EPHA6: variants seen among roughly 807,000 people sequenced by gnomAD.
The protein encoded by EPHA6 is ephrin type-A receptor 6.
EPHA6 carries 50 observed loss-of-function variants against 112.0 expected under a neutral mutation model. The observed-to-expected ratio is 0.45, with a 90% CI of 0.36 to 0.56. The LOEUF (loss-of-function observed/expected upper bound fraction) is 0.56, where lower values mean the gene tolerates loss of function less well. Among genes scored for constraint, EPHA6 ranks in the 20% least tolerant of loss-of-function variants. EPHA6 has a pLI of 0.00. For missense variants in EPHA6, 1,280 were observed against 1,417.4 expected (o/e 0.90, Z 1.56); for synonymous variants, 529 against 490.7 (o/e 1.08, Z -1.03).
intron 3 of EPHA6, among the ~76,000 whole-genome samples, chr3:97,040,742 G>T (rs1387587511): frequency 6.6e-6 from 1 of 152,042 alleles, no homozygotes; most frequent in Admixed American, 6.6e-5. Context: ...TTCATAATCT[G>T]CAACAGCAAA....
intron 11 of EPHA6, among the ~76,000 whole-genome samples, chr3:97,568,637 C>A (rs1342181237): frequency 2.6e-5 from 4 of 152,180 alleles, no homozygotes; most frequent in Non-Finnish European, 5.9e-5. Flanking sequence ...TAGGTTTAAT[C>A]AAGACTTTTC....
intron 1 of EPHA6, among the ~76,000 whole-genome samples, chr3:96,823,493 A>G (rs571282500): frequency 2.0e-5 from 3 of 150,140 alleles, no homozygotes; most frequent in African/African-American, 4.9e-5. Context: ...AACTTTTTTT[A>G]ATATTAAAAA....
intron 4 of EPHA6, among the ~76,000 whole-genome samples, chr3:97,243,039 G>A (rs1275570022): frequency 6.6e-6 from 1 of 151,766 alleles, no homozygotes; most frequent in African/African-American, 2.4e-5. Flanking sequence ...ACTCAGATAA[G>A]TATATAGGAT....
At chr3:96,832,979 A>C (rs1297210517) in intron 1 of EPHA6, among the ~76,000 whole-genome samples, 2 of 151,720 alleles carry the variant, frequency 1.3e-5, no homozygotes, top group African/African-American at 4.8e-5. Flanking sequence ...TTCATTTTAG[A>C]GGTGTGAAAA....
At chr3:97,304,623 T>C (rs774843246) in intron 5 of EPHA6, among the ~76,000 whole-genome samples, 5 of 151,958 alleles carry the variant, frequency 3.3e-5, no homozygotes, top group Non-Finnish European at 5.9e-5. Flanking sequence ...TTGATAAACC[T>C]GACAAAAACA....
At chr3:97,042,419 C>A (rs757226076) in intron 3 of EPHA6, among the ~76,000 whole-genome samples, 1 of 152,000 alleles carries the variant, frequency 6.6e-6, no homozygotes, top group Non-Finnish European at 1.5e-5. Context: ...GAACTGTTAG[C>A]CAATTAAATT....
intron 3 of EPHA6, among the ~76,000 whole-genome samples, chr3:96,988,384 G>A (rs866299344): frequency 6.6e-6 from 1 of 151,968 alleles, no homozygotes; most frequent in African/African-American, 2.4e-5. Flanking sequence ...TGCTGTATCC[G>A]CCTAATTTTT....
chr3:97,636,769 T>G (rs1178821276), intron 13 of EPHA6, among the ~76,000 whole-genome samples: 3 of 152,156 alleles, frequency 2.0e-5, no homozygotes. Flanking sequence ...ACTTTTAAAA[T>G]TTATAAGTTT....
At chr3:97,107,919 A>G (rs1455185190) in intron 3 of EPHA6, among the ~76,000 whole-genome samples, 1 of 152,152 alleles carries the variant, frequency 6.6e-6, no homozygotes, top group Non-Finnish European at 1.5e-5. Context: ...ATTATGTGTT[A>G]TATAGCTTAG....
chr3:97,363,145 C>A (rs2084467898), intron 5 of EPHA6, among the ~76,000 whole-genome samples: 1 of 91,146 alleles, frequency 1.1e-5, no homozygotes, highest in Non-Finnish European at 2.0e-5. Flanking sequence ...ACATCAAAAG[C>A]CATAATTATG....
chr3:97,044,940 A>G (rs1199814288), intron 3 of EPHA6, among the ~76,000 whole-genome samples: 1 of 152,126 alleles, frequency 6.6e-6, no homozygotes, highest in African/African-American at 2.4e-5. Flanking sequence ...CTGTCTTTAG[A>G]AAGTCTAAGG....
At position 97,030,942 on chromosome 3, in the gene EPHA6, G is replaced by A. The variant is rs150958870; in HGVS notation, c.1114+42949G>A. Among the ~76,000 whole-genome samples the A allele has an allele frequency of 1.1e-4, 17 of 151,828 alleles. No individual in the cohort carries two copies. In the East Asian group the frequency reaches 3.1e-3, roughly 28 times the overall value. On this transcript the variant is annotated intron_variant, in intron 3 of 17. Transcript: ENST00000389672. Reference sequence around the variant, plus strand: ...TATTTAACATACTAATGTTTGAGTTGGCCAATTTAAATTCAAAGAGTTAAA... The same window carrying A: ...TATTTAACATACTAATGTTTGAGTTAGCCAATTTAAATTCAAAGAGTTAAA...
At chr3:97,216,737 T>C (rs2078045894) in intron 3 of EPHA6, among the ~76,000 whole-genome samples, 1 of 152,198 alleles carries the variant, frequency 6.6e-6, no homozygotes, top group Non-Finnish European at 1.5e-5. Context: ...CTCAGAAACA[T>C]TTGGTATTGT....
chr3:97,264,951 T>C (rs1314802867), intron 5 of EPHA6, among the ~76,000 whole-genome samples: 4 of 152,198 alleles, frequency 2.6e-5, no homozygotes, highest in African/African-American at 7.2e-5. Flanking sequence ...GCATAGCTCC[T>C]CTCTGCTAGG....
intron 6 of EPHA6, among the ~76,000 whole-genome samples, chr3:97,435,554 A>C (rs2089780219): frequency 6.6e-6 from 1 of 152,182 alleles, no homozygotes; most frequent in African/African-American, 2.4e-5. Flanking sequence ...TATACAGATG[A>C]AATTATCCAA....
chr3:96,995,065 G>A lies in EPHA6; in HGVS notation c.1114+7072G>A, dbSNP rs546368987. Among the ~76,000 whole-genome samples, 16 of 152,076 alleles carry A rather than the reference G, an allele frequency of 1.1e-4. 1 individual carries two copies. In the South Asian group the frequency reaches 2.9e-3, roughly 28 times the overall value. Reference sequence around the variant, plus strand: ...CTCGGACCATTGCATTATTGTTCACGAAGGTAAATGGGATATACAGGGCCT... The same window carrying A: ...CTCGGACCATTGCATTATTGTTCACAAAGGTAAATGGGATATACAGGGCCT... On this transcript the variant is annotated intron_variant, in intron 3 of 17. Transcript: ENST00000389672.
At chr3:97,224,255 C>G (rs1411207678) in intron 3 of EPHA6, among the ~76,000 whole-genome samples, 2 of 152,118 alleles carry the variant, frequency 1.3e-5, no homozygotes, top group African/African-American at 4.8e-5. Context: ...GAAGATCACT[C>G]TGTCTGAAGA....
At chr3:97,517,557 T>C (rs2092467038) in intron 10 of EPHA6, among the ~76,000 whole-genome samples, 1 of 152,242 alleles carries the variant, frequency 6.6e-6, no homozygotes, top group East Asian at 1.9e-4. Flanking sequence ...ATCAAGCTAA[T>C]TAAAAAATTT....
intron 1 of EPHA6, among the ~76,000 whole-genome samples, chr3:96,839,568 A>T (rs1404330963): frequency 6.6e-6 from 1 of 152,068 alleles, no homozygotes; most frequent in African/African-American, 2.4e-5. Context: ...GTTGATTACA[A>T]CCCATTAATA....
Sources: allele counts gnomAD v4.1 joint callset (sites outside exome capture counted in the v4.1 genomes callset), GRCh38; gene constraint gnomAD v4.1.1; transcripts MANE v1.5; gene names NCBI Gene and HGNC (gene_info 2026-07-23, HGNC 2026-07-21).